LDLRAD4: variants seen among roughly 807,000 people sequenced by gnomAD.
The protein encoded by LDLRAD4 is low density lipoprotein receptor class A domain containing 4.
Under a neutral mutation model 17.0 loss-of-function variants are expected in LDLRAD4, and 5 were observed. The observed-to-expected ratio is 0.29, with a 90% CI of 0.15 to 0.62. The LOEUF (loss-of-function observed/expected upper bound fraction) is 0.62, where lower values mean the gene tolerates loss of function less well. Among genes scored for constraint, LDLRAD4 ranks in the 20% least tolerant of loss-of-function variants. The pLI, the probability that LDLRAD4 is intolerant of heterozygous loss-of-function variation, is 0.84. For missense variants in LDLRAD4, 340 were observed against 424.7 expected, an observed-to-expected ratio of 0.80 and a Z score of 1.75; for synonymous variants, 168 against 171.8, an observed-to-expected ratio of 0.98 and a Z score of 0.17.
intron 1 of LDLRAD4, among the ~76,000 whole-genome samples, chr18:13,288,047 T>C (rs1265215192): frequency 6.6e-6 from 1 of 152,198 alleles, no homozygotes; most frequent in Non-Finnish European, 1.5e-5. Context: ...GATCACTCTA[T>C]TCCGTGAAGA....
chr18:13,219,579 T>G (rs1382294821), intron 1 of LDLRAD4, among the ~76,000 whole-genome samples: 1 of 152,156 alleles, frequency 6.6e-6, no homozygotes, highest in Non-Finnish European at 1.5e-5. Context: ...GCACAGAATG[T>G]GGGTTCTGAG....
intron 1 of LDLRAD4, among the ~76,000 whole-genome samples, chr18:13,297,175 GC>G (rs2046323584): frequency 6.6e-6 from 1 of 152,176 alleles, no homozygotes; most frequent in African/African-American, 2.4e-5. Flanking sequence ...ATAAGAGAAG[GC>G]CTCTGTCCCC....
chr18:13,395,263 G>A (rs528551857), intron 2 of LDLRAD4, among the ~76,000 whole-genome samples: 8 of 151,020 alleles, frequency 5.3e-5, no homozygotes, highest in South Asian at 4.2e-4. Context: ...GTTCTTCCCC[G>A]TCTTCTTTCA....
At chr18:13,609,530 C>CGTGT (rs72225166) in intron 3 of LDLRAD4, among the ~76,000 whole-genome samples, 1,635 of 149,540 alleles carry the variant, frequency 0.011, 23 homozygotes, top group African/African-American at 0.036. Context: ...TGTGTGTGTG[C>CGTGT]GTGTGTGTGT....
intron 2 of LDLRAD4, among the ~76,000 whole-genome samples, chr18:13,431,499 G>A (rs2090331711): frequency 6.6e-6 from 1 of 152,212 alleles, no homozygotes; most frequent in South Asian, 2.1e-4. Context: ...AAAGTTGGGT[G>A]ATTTGTTCAA....
chr18:13,512,227 C>T (rs1229802058), intron 3 of LDLRAD4, among the ~76,000 whole-genome samples: 1 of 152,174 alleles, frequency 6.6e-6, no homozygotes, highest in Non-Finnish European at 1.5e-5. Context: ...ACCCCTCAGC[C>T]ACACATCTGC....
intron 1 of LDLRAD4, among the ~76,000 whole-genome samples, chr18:13,369,099 ACTATGGGAACTGG>A (rs1364625776): frequency 6.6e-6 from 1 of 152,210 alleles, no homozygotes; most frequent in Non-Finnish European, 1.5e-5. Context: ...GTGGAAGCTG[ACTATGGGAACTGG>A]CTATGGGAGG....
intron 1 of LDLRAD4, among the ~76,000 whole-genome samples, chr18:13,291,106 C>T (rs1246830284): frequency 6.6e-6 from 1 of 152,242 alleles, no homozygotes; most frequent in Non-Finnish European, 1.5e-5. Flanking sequence ...GTTTGGGCCT[C>T]TGAGTCACAG....
chr18:13,625,211 T>G (rs961016695), intron 4 of LDLRAD4, among the ~76,000 whole-genome samples: 8 of 152,218 alleles, frequency 5.3e-5, no homozygotes, highest in African/African-American at 1.9e-4. Flanking sequence ...TGATGTTCTA[T>G]TTAAACCTGG....
intron 1 of LDLRAD4, among the ~76,000 whole-genome samples, chr18:13,226,765 A>G (rs1274212255): frequency 1.4e-5 from 2 of 145,784 alleles, no homozygotes; most frequent in Admixed American, 1.4e-4. Flanking sequence ...AAATAGAATT[A>G]AATTCTACTC....
At chr18:13,375,739 C>T (rs1312193500) in intron 1 of LDLRAD4, among the ~76,000 whole-genome samples, 3 of 152,180 alleles carry the variant, frequency 2.0e-5, no homozygotes, top group African/African-American at 7.2e-5. Context: ...TCCCTTCCCT[C>T]TGTACAGTCA....
At position 13,341,793 on chromosome 18, in the gene LDLRAD4, C is replaced by T. The variant is rs147779237; in HGVS notation, c.-382-45548C>T. On this transcript the variant is annotated intron_variant, in intron 1 of 5. Transcript: ENST00000359446. ...GTTGAATAGAAATGGCAAAAGTGGA[C>T]TTTCTTGTCTTATTCCTTATCTTAG... Among the ~76,000 whole-genome samples, 633 of 152,196 alleles carry T rather than the reference C, an allele frequency of 4.2e-3. 2 individuals carry two copies. The highest frequency in any genetic ancestry group is 6.8e-3 in the Middle Eastern group (2 of 294).
chr18:13,412,196 C>T (rs1476244527), intron 2 of LDLRAD4, among the ~76,000 whole-genome samples: 2 of 152,178 alleles, frequency 1.3e-5, no homozygotes, highest in African/African-American at 4.8e-5. Context: ...AACTCTTTGA[C>T]AGTAGTCAGA....
chr18:13,260,196 T>C (rs537416739), intron 1 of LDLRAD4, among the ~76,000 whole-genome samples: 1 of 152,350 alleles, frequency 6.6e-6, no homozygotes, highest in South Asian at 2.1e-4. Flanking sequence ...TGCCTTGACC[T>C]CCTTATGCCC....
At chr18:13,262,851 C>T (rs75207663) in intron 1 of LDLRAD4, among the ~76,000 whole-genome samples, 6 of 40,884 alleles carry the variant, frequency 1.5e-4, no homozygotes, top group East Asian at 8.6e-4. Flanking sequence ...CGTGCGGCTC[C>T]GTGCGTTGGG....
rs77881840 is a variant in LDLRAD4 at position 13,326,391 on chromosome 18, G to A, written c.-383+48203G>A. Among the ~76,000 whole-genome samples, 163 of 152,246 alleles carry A rather than the reference G, an allele frequency of 1.1e-3. 4 individuals are homozygous for A. The East Asian group carries it at 0.011, about 10-fold the overall frequency. ...TGAATGTTTGAAGAGAAAAAAGGGC[G>A]TAAAGGAAGAATCAATTATGCAGAT... is the stretch of plus-strand genomic sequence containing the variant. On this transcript the variant is annotated intron_variant, in intron 1 of 5. Transcript: ENST00000359446.
Position 13,329,961 on chromosome 18 carries a change from AT to A in LDLRAD4, c.-383+51787del, listed in dbSNP as rs1329794025. On this transcript the variant is annotated intron_variant, in intron 1 of 5. Transcript: ENST00000359446. The stretch of plus-strand genomic sequence containing the variant: ...TCTGATGTAACTTCCACTCCCTCCA[AT>A]TTTTTTTTTTTTTGAGACAGTCTCA... 6.0e-3 allele frequency among the ~76,000 whole-genome samples: 829 copies of A among 137,998 alleles called. 5 individuals carry two copies. The highest frequency in any genetic ancestry group is 0.018 in the African/African-American group (680 of 37,794). 90.5% of individuals were successfully genotyped at this position (137,998 alleles called of 152,430 possible).
chr18:13,623,342 G>T (rs1367257893), intron 4 of LDLRAD4, among the ~76,000 whole-genome samples: 1 of 152,242 alleles, frequency 6.6e-6, no homozygotes, highest in Non-Finnish European at 1.5e-5. Flanking sequence ...TGTCCACACA[G>T]TGGTCCACAT....
At chr18:13,512,392 C>T (rs1349448938) in intron 3 of LDLRAD4, among the ~76,000 whole-genome samples, 1 of 152,230 alleles carries the variant, frequency 6.6e-6, no homozygotes, top group Non-Finnish European at 1.5e-5. Context: ...AAAACAGGAA[C>T]ATCCCTTGTG....
Sources: gnomAD v4.1 joint callset for allele counts (sites outside exome capture counted in the v4.1 genomes callset) on GRCh38, gnomAD v4.1.1 for gene constraint, MANE v1.5 for transcripts, NCBI Gene and HGNC (gene_info 2026-07-23, HGNC 2026-07-21) for gene names.